The following SRD5A2 variants were observed in gnomAD, a reference collection of about 807,000 sequenced individuals.
SRD5A2 encodes the protein steroid 5 alpha-reductase 2.
Under a neutral mutation model 27.4 loss-of-function variants are expected in SRD5A2, and 30 were observed. The ratio of observed to expected loss-of-function variants is 1.10; its 90% CI spans 0.82 to 1.49. The LOEUF (loss-of-function observed/expected upper bound fraction) is 1.49, where lower values mean the gene tolerates loss of function less well. SRD5A2 is among the 40% of genes most tolerant of loss of function. The pLI is 0.00. For synonymous variants in SRD5A2, 141 were observed against 133.6 expected (o/e 1.06, Z -0.38); for missense variants, 348 against 323.4 (o/e 1.08, Z -0.58).
At chr2:31,652,769 T>C in the SRD5A2 span, among the ~76,000 whole-genome samples, 1 of 152,186 alleles carries the variant, frequency 6.6e-6, no homozygotes, top group Admixed American at 6.5e-5. Context: ...GAGAATAAAG[T>C]AGCTAAAGAA....
At chr2:31,569,057 C>G (rs1267284681) in intron 1 of SRD5A2, among the ~76,000 whole-genome samples, 6 of 152,206 alleles carry the variant, frequency 3.9e-5, no homozygotes, top group African/African-American at 1.4e-4. Context: ...GGTCCAGAGC[C>G]ATGGCTGGGT....
the SRD5A2 span, among the ~76,000 whole-genome samples, chr2:31,644,370 A>T: frequency 6.6e-6 from 1 of 152,208 alleles, no homozygotes; most frequent in Admixed American, 6.5e-5. Flanking sequence ...GGACAGATGG[A>T]GGAAGAAGAG....
chr2:31,589,200 G>C, the SRD5A2 span, among the ~76,000 whole-genome samples: 1 of 152,110 alleles, frequency 6.6e-6, no homozygotes, highest in Non-Finnish European at 1.5e-5. Context: ...AGAAGCAATG[G>C]GAAGAGCCCT....
chr2:31,620,381 G>C, the SRD5A2 span, among the ~76,000 whole-genome samples: 1 of 152,200 alleles, frequency 6.6e-6, no homozygotes, highest in East Asian at 1.9e-4. Flanking sequence ...AATAGGAAGA[G>C]AGGAAGCCAA....
chr2:31,641,071 G>A, the SRD5A2 span, among the ~76,000 whole-genome samples: 1 of 152,024 alleles, frequency 6.6e-6, no homozygotes, highest in Admixed American at 6.6e-5. Flanking sequence ...TATGGCCCTG[G>A]GAACTGTCTC....
chr2:31,588,851 A>G, the SRD5A2 span, among the ~76,000 whole-genome samples: 1 of 152,182 alleles, frequency 6.6e-6, no homozygotes, highest in Admixed American at 6.5e-5. Flanking sequence ...AAATTGGAAA[A>G]TGGTGGATAG....
chr2:31,555,293 A>G (rs571425935), intron 1 of SRD5A2, among the ~76,000 whole-genome samples: 1 of 152,152 alleles, frequency 6.6e-6, no homozygotes, highest in Admixed American at 6.5e-5. Context: ...TTCTGATGGT[A>G]CCTACACTGG....
At chr2:31,621,180 T>A in the SRD5A2 span, among the ~76,000 whole-genome samples, 14 of 151,862 alleles carry the variant, frequency 9.2e-5, no homozygotes, top group African/African-American at 3.4e-4. Context: ...TTATTGACAT[T>A]GATACAATCA....
the SRD5A2 span, among the ~76,000 whole-genome samples, chr2:31,631,282 T>C: frequency 6.6e-6 from 1 of 152,080 alleles, no homozygotes; most frequent in Non-Finnish European, 1.5e-5. Context: ...ACCCCTTTCT[T>C]TGTGGTCAAG....
At chr2:31,582,300 A>C (rs1667096987), upstream of SRD5A2, among the ~76,000 whole-genome samples, 1 of 152,108 alleles carries the variant, frequency 6.6e-6, no homozygotes. Context: ...TGACAGACAC[A>C]ACCCCTCATC....
At chr2:31,601,183 TAATAA>T in the SRD5A2 span, among the ~76,000 whole-genome samples, 1 of 151,646 alleles carries the variant, frequency 6.6e-6, no homozygotes, top group African/African-American at 2.4e-5. Context: ...CTAGCTAACC[TAATAA>T]AGAAAAGAGA....
At chr2:31,586,116 G>A in the SRD5A2 span, among the ~76,000 whole-genome samples, 2 of 152,076 alleles carry the variant, frequency 1.3e-5, no homozygotes, top group Admixed American at 6.6e-5. Context: ...AGTTCTTAGT[G>A]GTGATTTCTG....
chr2:31,578,704 A>T (rs1004102847), intron 1 of SRD5A2, among the ~76,000 whole-genome samples: 1 of 152,212 alleles, frequency 6.6e-6, no homozygotes, highest in Non-Finnish European at 1.5e-5. Flanking sequence ...ATGAATCTCC[A>T]AGTCCTTTAC....
intron 1 of SRD5A2, among the ~76,000 whole-genome samples, chr2:31,559,271 T>C (rs756870934): frequency 3.3e-5 from 5 of 152,224 alleles, no homozygotes; most frequent in Non-Finnish European, 5.9e-5. Context: ...CCTTTCCAGA[T>C]TTCAATCAAG....
At chr2:31,613,016 T>G in the SRD5A2 span, among the ~76,000 whole-genome samples, 1 of 152,068 alleles carries the variant, frequency 6.6e-6, no homozygotes, top group Non-Finnish European at 1.5e-5. Flanking sequence ...AAAAATTAAC[T>G]TAAAATGAAT....
upstream of SRD5A2, chr2:31,581,032 CCCACCTCGCCGCGT>C (rs1667073137): frequency 4.0e-6 from 4 of 990,820 alleles, no homozygotes; most frequent in African/African-American, 5.3e-5. Context: ...CATCCTGCCT[CCCACCTCGCCGCGT>C]CCAGCCCTGG....
the SRD5A2 span, among the ~76,000 whole-genome samples, chr2:31,655,262 T>A: frequency 1.3e-5 from 2 of 151,928 alleles, no homozygotes; most frequent in African/African-American, 4.8e-5. Context: ...CCACCACGAC[T>A]GACTAATTTT....
At chr2:31,551,770 G>A (rs765829133) in intron 1 of SRD5A2, among the ~76,000 whole-genome samples, 4 of 152,158 alleles carry the variant, frequency 2.6e-5, no homozygotes, top group African/African-American at 4.8e-5. Flanking sequence ...AAAAAAGTCA[G>A]AGTTCCTATC....
At chr2:31,614,035 C>T in the SRD5A2 span, among the ~76,000 whole-genome samples, 14 of 152,132 alleles carry the variant, frequency 9.2e-5, no homozygotes, top group Non-Finnish European at 1.6e-4. Context: ...TATTATTCTG[C>T]AACTGTCCCC....
Sources: allele counts gnomAD v4.1 joint callset (sites outside exome capture counted in the v4.1 genomes callset), GRCh38; gene constraint gnomAD v4.1.1; transcripts MANE v1.5; gene names NCBI Gene and HGNC (gene_info 2026-07-23, HGNC 2026-07-21).